The following PRKD3 variants were observed in gnomAD, a reference collection of about 807,000 sequenced individuals.
PRKD3 encodes serine/threonine-protein kinase D3.
A neutral mutation model predicts 99.2 loss-of-function variants in PRKD3; 47 were observed. The ratio of observed to expected loss-of-function variants is 0.47; its 90% CI spans 0.38 to 0.60. The LOEUF is 0.60. PRKD3 is among the 20% of genes least tolerant of loss of function. The pLI is 0.00. For missense variants in PRKD3, 1,019 were observed against 1,088.4 expected (o/e 0.94, Z 0.90); for synonymous variants, 392 against 355.4 (o/e 1.10, Z -1.16).
At chr2:37,288,128 A>G (rs777250502) in intron 5 of PRKD3, among the ~76,000 whole-genome samples, 2 of 152,104 alleles carry the variant, frequency 1.3e-5, no homozygotes, top group African/African-American at 4.8e-5. Flanking sequence ...GCTATTTCCT[A>G]ATCTAGTAAT....
At chr2:37,260,522 C>A (rs1033852870) in intron 14 of PRKD3, 138 bp from the exon 15 acceptor site, 11 of 815,786 alleles carry the variant, frequency 1.3e-5, no homozygotes, top group Admixed American at 5.6e-5. Flanking sequence ...ATAAAAATTA[C>A]AATCAATGAA....
In PRKD3 at chr2:37,291,005, AAAAAG is replaced by A; in HGVS notation, c.428-11_428-7del. The A allele has an allele frequency of 6.3e-7, 1 of 1,596,952 alleles. No individual in the cohort carries two copies. The highest frequency in any genetic ancestry group is 1.3e-5 in the African/African-American group (1 of 74,170). On this transcript the variant is annotated splice_polypyrimidine_tract_variant and splice_region_variant and intron_variant, in intron 3 of 18. Coordinates refer to ENST00000234179, the MANE Select transcript of PRKD3 (RefSeq NM_005813.6). ...GTCTTCTACTGTGGCTAAAGCTTTA[AAAAAG>A]AAAAGTATTACAATACACGTTGTAT...
intron 1 of PRKD3, among the ~76,000 whole-genome samples, chr2:37,320,423 C>CT (rs35158902): frequency 0.092 from 7,166 of 78,168 alleles, 1,126 homozygotes; most frequent in East Asian, 0.16. Context: ...AAGTTAACGA[C>CT]TTTTTTTTTT....
chr2:37,298,798 C>T (rs1253552301), intron 2 of PRKD3, among the ~76,000 whole-genome samples: 3 of 152,114 alleles, frequency 2.0e-5, no homozygotes, highest in African/African-American at 4.8e-5. Context: ...TTACTTAATT[C>T]ATTTATCAGT....
At position 37,274,438 on chromosome 2, in the gene PRKD3, C is replaced by T. The variant is rs1349839086; in HGVS notation, c.1634G>A (p.Gly545Glu). Residue 545 changes from glycine (G) to glutamate (E), a missense_variant, in exon 11 of 19, where the codon GGG becomes GAG. Physicochemically the swap from Gly to Glu is moderately conservative, Grantham distance 98. This residue lies in a region of PRKD3 where 710 missense variants were observed against 692.7 expected (regional missense o/e 1.02). Coordinates refer to ENST00000234179, the MANE Select transcript of PRKD3 (RefSeq NM_005813.6). ...TPQASVCTSP[G>E]QGKDHKDLST... Reference sequence around the variant, plus strand: ...TTGCTTACTGTGATCTTTCCCTTGCCCTGGAGAAGTGCAAACACTTGCTTG... The same window carrying T: ...TTGCTTACTGTGATCTTTCCCTTGCTCTGGAGAAGTGCAAACACTTGCTTG... The T allele has an allele frequency of 1.2e-6, 2 of 1,614,066 alleles. No homozygotes were observed. The highest frequency in any genetic ancestry group is 1.7e-6 in the Non-Finnish European group (2 of 1,179,986).
At chr2:37,264,692 T>C (rs1258622560) in intron 14 of PRKD3, among the ~76,000 whole-genome samples, 1 of 152,062 alleles carries the variant, frequency 6.6e-6, no homozygotes, top group East Asian at 1.9e-4. Context: ...GACAGAAGCA[T>C]GTCTGGCATG....
chr2:37,312,895 T>A (rs1041714068), intron 2 of PRKD3, among the ~76,000 whole-genome samples: 1 of 152,200 alleles, frequency 6.6e-6, no homozygotes, highest in Non-Finnish European at 1.5e-5. Context: ...GGAGCAATCG[T>A]TCACTATTAG....
chr2:37,253,390 C>G (rs1357413937), intron 18 of PRKD3, 40 bp from the exon 19 acceptor site: 1 of 1,528,214 alleles, frequency 6.5e-7, no homozygotes, highest in Non-Finnish European at 8.9e-7. Flanking sequence ...ACAAAAGAAA[C>G]AAAATACTGT....
intron 3 of PRKD3, 123 bp downstream of exon 3, chr2:37,293,010 G>C: frequency 9.3e-7 from 1 of 1,072,214 alleles, no homozygotes; most frequent in Non-Finnish European, 1.3e-6. Flanking sequence ...ACCATTATTA[G>C]AGATGAAAGA....
chr2:37,276,793 T>TAC (rs1297412607), intron 9 of PRKD3, among the ~76,000 whole-genome samples: 2 of 149,128 alleles, frequency 1.3e-5, no homozygotes, highest in Admixed American at 1.4e-4. Flanking sequence ...TATGTATATA[T>TAC]ACACACACAC....
chr2:37,283,746 G>T (rs1055124336), intron 6 of PRKD3, among the ~76,000 whole-genome samples: 2 of 151,938 alleles, frequency 1.3e-5, no homozygotes, highest in Non-Finnish European at 2.9e-5. Context: ...CAGCACTTTG[G>T]GAGGCCAAGG....
At chr2:37,307,819 T>C (rs758368080) in intron 2 of PRKD3, among the ~76,000 whole-genome samples, 18 of 152,246 alleles carry the variant, frequency 1.2e-4, no homozygotes, top group Non-Finnish European at 2.1e-4. Context: ...CTTTTGGTCA[T>C]ATCCAAGTTT....
At chr2:37,277,676 T>C (rs1200493846) in intron 9 of PRKD3, among the ~76,000 whole-genome samples, 190 bp downstream of exon 9, 1 of 152,238 alleles carries the variant, frequency 6.6e-6, no homozygotes, top group Non-Finnish European at 1.5e-5. Flanking sequence ...GTAAAGACAA[T>C]ACATTAAATA....
chr2:37,314,687 G>C (rs1057173011), intron 2 of PRKD3, among the ~76,000 whole-genome samples: 1 of 151,962 alleles, frequency 6.6e-6, no homozygotes, highest in African/African-American at 2.4e-5. Context: ...AAATCATAGA[G>C]AGTCATCAAA....
chr2:37,294,922 A>G (rs538251797), intron 2 of PRKD3, among the ~76,000 whole-genome samples: 13 of 152,156 alleles, frequency 8.5e-5, no homozygotes, highest in Non-Finnish European at 1.9e-4. Flanking sequence ...TAAAAATACA[A>G]AAATTAGCCA....
intron 1 of PRKD3, among the ~76,000 whole-genome samples, chr2:37,322,775 T>C (rs1218387855): frequency 6.6e-6 from 1 of 152,160 alleles, no homozygotes; most frequent in African/African-American, 2.4e-5. Flanking sequence ...TATATATATA[T>C]AGCAAGTTCG....
intron 14 of PRKD3, among the ~76,000 whole-genome samples, chr2:37,263,741 A>T (rs1242571834): frequency 6.6e-6 from 1 of 152,202 alleles, no homozygotes; most frequent in Non-Finnish European, 1.5e-5. Context: ...GAATCAGCAA[A>T]AACAGTTGTG....
intron 9 of PRKD3, 48 bp downstream of exon 9, chr2:37,277,818 C>A (rs1244785403): frequency 1.3e-6 from 2 of 1,589,254 alleles, no homozygotes; most frequent in South Asian, 2.3e-5. Context: ...CAGAATGAAA[C>A]TCATAACAAA....
intron 2 of PRKD3, among the ~76,000 whole-genome samples, chr2:37,303,017 G>A (rs979289530): frequency 2.6e-5 from 4 of 152,104 alleles, no homozygotes; most frequent in South Asian, 2.1e-4. Context: ...AACTACCTAC[G>A]GCCGGCCCCA....
Sources: gnomAD v4.1 joint callset for allele counts (sites outside exome capture counted in the v4.1 genomes callset) on GRCh38, gnomAD v4.1.1 for gene constraint, gnomAD v4.1.1 regional missense constraint, MANE v1.5 for transcripts, NCBI Gene and HGNC (gene_info 2026-07-23, HGNC 2026-07-21) for gene names.